MAGI2: variants seen among roughly 807,000 people sequenced by gnomAD.
The protein encoded by MAGI2 is membrane associated guanylate kinase, WW and PDZ domain containing 2.
MAGI2 carries 35 observed loss-of-function variants against 133.3 expected under a neutral mutation model. The ratio of observed to expected loss-of-function variants is 0.26; its 90% CI spans 0.20 to 0.35. The LOEUF is 0.35. Ranked by LOEUF, MAGI2 falls within the 10% of genes least tolerant of loss-of-function variation. The pLI is 1.00. For synonymous variants in MAGI2, 729 were observed against 710.6 expected (o/e 1.03, Z -0.41); for missense variants, 1,636 against 1,863.4 (o/e 0.88, Z 2.25).
At chr7:78,819,572 T>A (rs980207353) in intron 2 of MAGI2, among the ~76,000 whole-genome samples, 1 of 152,084 alleles carries the variant, frequency 6.6e-6, no homozygotes, top group Non-Finnish European at 1.5e-5. Flanking sequence ...TTTTTAAAGA[T>A]TTGTATGTGT....
intron 3 of MAGI2, among the ~76,000 whole-genome samples, chr7:78,536,797 G>A (rs1216166064): frequency 7.5e-6 from 1 of 132,524 alleles, no homozygotes; most frequent in African/African-American, 2.8e-5. Context: ...GTCTTGCTCT[G>A]TCGCCCAGGC....
chr7:78,514,467 C>T (rs140640381), intron 4 of MAGI2, among the ~76,000 whole-genome samples: 3 of 152,076 alleles, frequency 2.0e-5, no homozygotes, highest in African/African-American at 7.2e-5. Flanking sequence ...TTTTAGAAGG[C>T]TAATTTAAAC....
intron 9 of MAGI2, among the ~76,000 whole-genome samples, chr7:78,286,874 T>A (rs1001555668): frequency 1.3e-5 from 2 of 152,108 alleles, no homozygotes; most frequent in East Asian, 3.9e-4. Context: ...CAGGCAGATA[T>A]GTTGATATCA....
chr7:78,509,852 G>A (rs2150552937), intron 4 of MAGI2, among the ~76,000 whole-genome samples: 1 of 152,284 alleles, frequency 6.6e-6, no homozygotes, highest in Admixed American at 6.5e-5. Context: ...TTCTGTAACT[G>A]CCGTCTTTTG....
At chr7:78,630,413 C>CTT (rs35696228) in intron 2 of MAGI2, among the ~76,000 whole-genome samples, 1,670 of 112,270 alleles carry the variant, frequency 0.015, 52 homozygotes, top group Middle Eastern at 0.018. Flanking sequence ...TTGTGTTTAA[C>CTT]TTTTTTTTTT....
At chr7:79,162,211 A>G (rs78872213) in intron 1 of MAGI2, among the ~76,000 whole-genome samples, 8,332 of 152,016 alleles carry the variant, frequency 0.055, 467 homozygotes, top group East Asian at 0.15. Context: ...TTTTCATCAT[A>G]TTTTTACTTG....
chr7:78,287,282 GAGA>G (rs1208217961), intron 9 of MAGI2, among the ~76,000 whole-genome samples: 1 of 152,200 alleles, frequency 6.6e-6, no homozygotes, highest in Non-Finnish European at 1.5e-5. Flanking sequence ...GGAGTTCAGA[GAGA>G]AGGAGAAATT....
chr7:78,525,869 C>A (rs1796905464), intron 3 of MAGI2, among the ~76,000 whole-genome samples: 1 of 152,166 alleles, frequency 6.6e-6, no homozygotes, highest in Non-Finnish European at 1.5e-5. Context: ...GGGCATTTTA[C>A]ATAAGTATTC....
chr7:79,293,530 G>A (rs1158154164), intron 1 of MAGI2, among the ~76,000 whole-genome samples: 2 of 152,172 alleles, frequency 1.3e-5, no homozygotes, highest in East Asian at 3.9e-4. Context: ...AAGAATAATA[G>A]TGATAAGTAT....
intron 21 of MAGI2, among the ~76,000 whole-genome samples, chr7:78,056,639 G>T (rs1475049813): frequency 6.6e-6 from 1 of 152,060 alleles, no homozygotes; most frequent in Non-Finnish European, 1.5e-5. Context: ...ACAAATTGAG[G>T]GGGGAACAAC....
At chr7:78,689,697 T>TCTTTTCTTTCTTTCTTTC in intron 2 of MAGI2, among the ~76,000 whole-genome samples, 1 of 148,356 alleles carries the variant, frequency 6.7e-6, no homozygotes, top group Non-Finnish European at 1.5e-5. Flanking sequence ...TTTTTTTTTT[T>TCTTTTCTTTCTTTCTTTC]TTTTTTTGCT....
At chr7:78,777,171 CAAA>C (rs765888614) in intron 2 of MAGI2, among the ~76,000 whole-genome samples, 1 of 151,876 alleles carries the variant, frequency 6.6e-6, no homozygotes, top group Non-Finnish European at 1.5e-5. Context: ...AGAAGAAAAG[CAAA>C]AAGGAGAAAA....
chr7:78,107,189 A>G (rs1336686988), intron 20 of MAGI2, among the ~76,000 whole-genome samples: 13 of 151,926 alleles, frequency 8.6e-5, no homozygotes, highest in Non-Finnish European at 1.5e-4. Context: ...TTTCTGGGTT[A>G]TCTATTCTGT....
chr7:78,693,606 G>A (rs1817197649), intron 2 of MAGI2, among the ~76,000 whole-genome samples: 1 of 152,080 alleles, frequency 6.6e-6, no homozygotes, highest in Admixed American at 6.5e-5. Flanking sequence ...GCTTGGGAAG[G>A]AATCATGGCA....
At chr7:78,790,079 A>G (rs1827133199) in intron 2 of MAGI2, among the ~76,000 whole-genome samples, 1 of 152,204 alleles carries the variant, frequency 6.6e-6, no homozygotes, top group East Asian at 1.9e-4. Flanking sequence ...AATTTAGGAT[A>G]AATTATATAT....
At chr7:78,842,328 G>C (rs1483382550) in intron 2 of MAGI2, among the ~76,000 whole-genome samples, 2 of 152,092 alleles carry the variant, frequency 1.3e-5, no homozygotes, top group Middle Eastern at 3.4e-3. Context: ...TCCTTGAAGA[G>C]ACAGGCTGTC....
chr7:79,317,792 G>C (rs1015256290), intron 1 of MAGI2, among the ~76,000 whole-genome samples: 1 of 152,092 alleles, frequency 6.6e-6, no homozygotes, highest in African/African-American at 2.4e-5. Context: ...TGCCATGAAG[G>C]CTTCTTGGGG....
At chr7:78,236,269 A>G (rs1450506216) in intron 10 of MAGI2, among the ~76,000 whole-genome samples, 1 of 152,194 alleles carries the variant, frequency 6.6e-6, no homozygotes, top group Admixed American at 6.5e-5. Flanking sequence ...GACTTGGTAC[A>G]TGACCAAAGA....
At chr7:78,768,872 C>G (rs1447568141) in intron 2 of MAGI2, among the ~76,000 whole-genome samples, 1 of 152,170 alleles carries the variant, frequency 6.6e-6, no homozygotes, top group Non-Finnish European at 1.5e-5. Context: ...TTTAAACCTG[C>G]TCTGTAGTCA....
Sources: allele counts gnomAD v4.1 joint callset (sites outside exome capture counted in the v4.1 genomes callset), GRCh38; gene constraint gnomAD v4.1.1; transcripts MANE v1.5; gene names NCBI Gene and HGNC (gene_info 2026-07-23, HGNC 2026-07-21).